The following BCHE variants were observed in gnomAD, a reference collection of about 807,000 sequenced individuals.
BCHE encodes cholinesterase.
In BCHE, 48 loss-of-function variants were observed where a neutral mutation model predicts 51.3. The observed-to-expected ratio is 0.94, with a 90% CI of 0.74 to 1.19. The LOEUF (loss-of-function observed/expected upper bound fraction) is 1.19. Among genes scored for constraint, BCHE ranks in the 50% most tolerant of loss-of-function variants. The probability of loss-of-function intolerance (pLI) is 0.00; values close to 1 mark genes in which losing one functional copy is unlikely to be tolerated. For missense variants in BCHE, 847 were observed against 708.2 expected (o/e 1.20, Z -2.23); for synonymous variants, 251 against 238.0 (o/e 1.05, Z -0.50).
At chr3:165,790,232 C>G (rs772836544) in intron 2 of BCHE, among the ~76,000 whole-genome samples, 1 of 151,992 alleles carries the variant, frequency 6.6e-6, no homozygotes, top group Non-Finnish European at 1.5e-5. Context: ...TTTAACCATG[C>G]GAACAATGAT....
chr3:165,787,738 A>G (rs1191567780), intron 2 of BCHE, among the ~76,000 whole-genome samples: 2 of 151,980 alleles, frequency 1.3e-5, no homozygotes, highest in Non-Finnish European at 2.9e-5. Context: ...TTAGGATATC[A>G]GTGTTGTCAC....
Position 165,786,285 on chromosome 3 carries a change from C to T in BCHE, c.1544G>A (p.Ser515Asn). Residue 515 changes from serine to asparagine, a missense_variant, in exon 3 of 4, where the codon AGC (serine) becomes AAC (asparagine). Transcript: ENST00000264381. ...YGNPNETQNNSTSWPVFKSTE... is the reference protein window; with the variant it reads ...YGNPNETQNNNTSWPVFKSTE... ...GCTTTTGAAGACAGGCCAGCTTGTG[C>T]TATTGTTCTGAGTCTCATTTGGATT... The T allele has an allele frequency of 6.2e-7, 1 of 1,611,560 alleles. No individual in the cohort carries two copies. The highest frequency in any genetic ancestry group is 8.5e-7 in the Non-Finnish European group (1 of 1,178,364).
In BCHE at chr3:165,830,163, A is replaced by T. The variant is rs564041751; in HGVS notation, c.871T>A (p.Cys291Ser). ...SRENETEIIKCLRNKDPQEIL... is the reference protein window; with the variant it reads ...SRENETEIIKSLRNKDPQEIL... ...TCTTGGGGATCTTTATTTCTAAGAC[A>T]CTTGATTATTTCAGTCTCATTCTCT... Residue 291 changes from cysteine (C) to serine (S), a missense_variant, in exon 2 of 4, where the codon TGT becomes AGT. By Grantham distance (112) the Cys-to-Ser change is moderately radical. Transcript: ENST00000264381. The T allele has an allele frequency of 4.3e-6, 7 of 1,613,980 alleles. No homozygotes were observed. The South Asian group carries it at 7.7e-5, about 18-fold the overall frequency.
intron 2 of BCHE, among the ~76,000 whole-genome samples, chr3:165,800,140 T>G (rs912519098): frequency 6.6e-6 from 1 of 152,214 alleles, no homozygotes; most frequent in African/African-American, 2.4e-5. Flanking sequence ...ACTTGAATAC[T>G]TTTTTTGAAT....
intron 1 of BCHE, among the ~76,000 whole-genome samples, chr3:165,832,104 A>G (rs1404866763): frequency 6.6e-6 from 1 of 152,196 alleles, no homozygotes; most frequent in Non-Finnish European, 1.5e-5. Context: ...TGACCTACAA[A>G]ATCATAAGTA....
At chr3:165,816,063 T>C (rs956141989) in intron 2 of BCHE, among the ~76,000 whole-genome samples, 4 of 151,912 alleles carry the variant, frequency 2.6e-5, no homozygotes, top group African/African-American at 9.7e-5. Flanking sequence ...TAGGGCACAG[T>C]ACAAGTCAAT....
intron 2 of BCHE, among the ~76,000 whole-genome samples, chr3:165,794,601 T>C (rs1329823320): frequency 5.9e-5 from 9 of 152,174 alleles, no homozygotes; most frequent in African/African-American, 2.2e-4. Context: ...ATAAGAGCAC[T>C]AATCTCACTC....
At chr3:165,817,283 T>C (rs931818995) in intron 2 of BCHE, among the ~76,000 whole-genome samples, 1 of 152,098 alleles carries the variant, frequency 6.6e-6, no homozygotes, top group African/African-American at 2.4e-5. Context: ...ATTTCTCAAC[T>C]GGATTGCTGT....
At chr3:165,794,872 T>C (rs1280097482) in intron 2 of BCHE, among the ~76,000 whole-genome samples, 1 of 152,064 alleles carries the variant, frequency 6.6e-6, no homozygotes, top group Admixed American at 6.6e-5. Flanking sequence ...TTTTATATTA[T>C]AACATACAAA....
intron 2 of BCHE, among the ~76,000 whole-genome samples, chr3:165,828,882 T>C (rs1364219984): frequency 6.6e-6 from 1 of 152,152 alleles, no homozygotes; most frequent in Non-Finnish European, 1.5e-5. Context: ...TCTGATTATC[T>C]AATGTCAGCC....
intron 2 of BCHE, among the ~76,000 whole-genome samples, chr3:165,820,106 G>A (rs1714456812): frequency 6.6e-6 from 1 of 152,212 alleles, no homozygotes; most frequent in African/African-American, 2.4e-5. Context: ...TATACTGAGT[G>A]CATTAGTTTT....
chr3:165,819,181 C>T (rs904223642), intron 2 of BCHE, among the ~76,000 whole-genome samples: 15 of 149,708 alleles, frequency 1.0e-4, no homozygotes, highest in African/African-American at 2.9e-4. Flanking sequence ...TGGGTTCAAA[C>T]GATTCTCCTG....
chr3:165,815,373 C>T (rs1324250508), intron 2 of BCHE, among the ~76,000 whole-genome samples: 2 of 152,000 alleles, frequency 1.3e-5, no homozygotes, highest in Admixed American at 6.6e-5. Context: ...TCCTCCATCA[C>T]ACCACAAAGT....
rs146905538 is a variant in BCHE at position 165,825,700 on chromosome 3, C to T, written c.1517+3817G>A. Among the ~76,000 whole-genome samples, 137 of 152,056 alleles carry T rather than the reference C, an allele frequency of 9.0e-4. No individual in the cohort carries two copies. The East Asian group carries it at 0.017, about 19-fold the overall frequency. On this transcript the variant is annotated intron_variant, in intron 2 of 3. Transcript: ENST00000264381. ...TATATCTCCTAATGCTATCCCTCCCCGCTCACCCCACCCCACAACAGGCCC... is the reference window on the plus strand; with the variant it reads ...TATATCTCCTAATGCTATCCCTCCCTGCTCACCCCACCCCACAACAGGCCC...
intron 2 of BCHE, among the ~76,000 whole-genome samples, chr3:165,790,754 G>A (rs1233350298): frequency 6.6e-6 from 1 of 152,152 alleles, no homozygotes; most frequent in African/African-American, 2.4e-5. Context: ...CCAAATAGTT[G>A]TTTGGGGAAA....
At chr3:165,823,310 A>G (rs1315817258) in intron 2 of BCHE, among the ~76,000 whole-genome samples, 2 of 152,124 alleles carry the variant, frequency 1.3e-5, no homozygotes, top group Non-Finnish European at 2.9e-5. Context: ...ATATAACTGA[A>G]TGAGATCTAT....
At chr3:165,824,426 G>T (rs140489884) in intron 2 of BCHE, among the ~76,000 whole-genome samples, 28 of 151,996 alleles carry the variant, frequency 1.8e-4, no homozygotes, top group African/African-American at 5.5e-4. Flanking sequence ...TAAATTTGAC[G>T]AAGGGCAAAA....
chr3:165,812,118 C>T (rs1714124121), intron 2 of BCHE, among the ~76,000 whole-genome samples: 1 of 151,954 alleles, frequency 6.6e-6, no homozygotes, highest in African/African-American at 2.4e-5. Flanking sequence ...AGTTTATATA[C>T]ATAAATGTTT....
intron 2 of BCHE, among the ~76,000 whole-genome samples, chr3:165,816,060 C>T (rs1264700671): frequency 1.3e-5 from 2 of 151,586 alleles, no homozygotes; most frequent in African/African-American, 4.8e-5. Flanking sequence ...ATTTAGGGCA[C>T]AGTACAAGTC....
Sources: allele counts gnomAD v4.1 joint callset (sites outside exome capture counted in the v4.1 genomes callset), GRCh38; gene constraint gnomAD v4.1.1; transcripts MANE v1.5; gene names NCBI Gene and HGNC (gene_info 2026-07-23, HGNC 2026-07-21).